DTD1: variants seen among roughly 807,000 people sequenced by gnomAD.
The protein encoded by DTD1 is D-aminoacyl-tRNA deacylase 1.
In DTD1, 13 loss-of-function variants were observed where a neutral mutation model predicts 25.6. The observed-to-expected ratio is 0.51, with a 90% CI of 0.33 to 0.81. DTD1 has a LOEUF of 0.81. Ranked by LOEUF, DTD1 falls within the 30% of genes least tolerant of loss-of-function variation. The pLI, the probability that DTD1 is intolerant of heterozygous loss-of-function variation, is 0.02. For synonymous variants in DTD1, 110 were observed against 103.6 expected (o/e 1.06, Z -0.37); for missense variants, 193 against 266.4 (o/e 0.72, Z 1.92).
intron 4 of DTD1, among the ~76,000 whole-genome samples, chr20:18,743,673 C>CAAAAAAAAAAAA (rs11474877): frequency 2.9e-5 from 3 of 105,106 alleles, no homozygotes; most frequent in Admixed American, 1.1e-4. Context: ...GACCCTGTCT[C>CAAAAAAAAAAAA]AAAAAAAAAA....
chr20:18,742,764 A>G lies in DTD1; in HGVS notation c.478-1336A>G, dbSNP rs1252577663. On this transcript the variant is annotated intron_variant, in intron 4 of 5. Coordinates refer to ENST00000377452, the MANE Select transcript of DTD1 (RefSeq NM_080820.6). ...GATTTCCTGGACCCAATTGAGAGCT[A>G]CTGGTTGGTTGTTCATCTCTCGAAG... Among the ~76,000 whole-genome samples the G allele has an allele frequency of 2.0e-5, 3 of 152,164 alleles. No homozygotes were observed. In the East Asian group the frequency reaches 5.8e-4, roughly 29 times the overall value.
chr20:18,617,480 C>A (rs1366330062), intron 3 of DTD1, among the ~76,000 whole-genome samples: 5 of 151,834 alleles, frequency 3.3e-5, no homozygotes, highest in Non-Finnish European at 7.4e-5. Flanking sequence ...TCTGTACTTA[C>A]ACAGTACCAT....
chr20:18,728,001 G>A (rs1326815027), intron 4 of DTD1, among the ~76,000 whole-genome samples: 7 of 152,224 alleles, frequency 4.6e-5, no homozygotes, highest in Non-Finnish European at 1.0e-4. Context: ...GAGCTTAGGT[G>A]AGAAGGGGCT....
At chr20:18,708,295 A>ATTT (rs1568676985) in intron 4 of DTD1, among the ~76,000 whole-genome samples, 1 of 59,222 alleles carries the variant, frequency 1.7e-5, no homozygotes, top group African/African-American at 6.9e-5. Context: ...TTATATATAT[A>ATTT]TAATATATAT....
intron 1 of DTD1, among the ~76,000 whole-genome samples, chr20:18,590,286 T>TTTAG (rs1446202320): frequency 6.6e-6 from 1 of 152,238 alleles, no homozygotes; most frequent in East Asian, 1.9e-4. Context: ...CAAGTGATCC[T>TTTAG]TTAGTTTCAG....
chr20:18,657,100 T>C (rs551414199), intron 4 of DTD1, among the ~76,000 whole-genome samples: 5 of 152,214 alleles, frequency 3.3e-5, no homozygotes, highest in African/African-American at 4.8e-5. Context: ...CTTTGAATTT[T>C]GTCAAAGGCA....
chr20:18,686,679 G>A (rs996994878), intron 4 of DTD1, among the ~76,000 whole-genome samples: 4 of 146,468 alleles, frequency 2.7e-5, no homozygotes, highest in Non-Finnish European at 6.1e-5. Flanking sequence ...TGTGTGTGGT[G>A]TGTGTGTGCA....
At chr20:18,619,928 G>A (rs1201186034) in intron 3 of DTD1, 1 of 151,966 alleles carries the variant, frequency 6.6e-6, no homozygotes, top group Admixed American at 6.6e-5. Flanking sequence ...GTAAATTCTT[G>A]TATGTATTTA....
chr20:18,614,132 CTCT>C (rs898533904), intron 3 of DTD1, among the ~76,000 whole-genome samples: 3 of 152,060 alleles, frequency 2.0e-5, no homozygotes, highest in African/African-American at 7.2e-5. Flanking sequence ...CTCTCTGAGC[CTCT>C]TCTTCTATTG....
Position 18,661,083 on chromosome 20 carries a change from C to T in DTD1, c.477+32850C>T, listed in dbSNP as rs941365396. On this transcript the variant is annotated intron_variant, in intron 4 of 5. Coordinates refer to ENST00000377452, the MANE Select transcript of DTD1 (RefSeq NM_080820.6). ...GACTTGTGTGGTCTGTTTGTGGGCT[C>T]TGTTTTGTTCATTCATCTTTGTGCC... 2.0e-5 allele frequency among the ~76,000 whole-genome samples: 3 copies of T among 152,260 alleles called. No individual in the cohort carries two copies. The South Asian group carries it at 6.2e-4, about 32-fold the overall frequency.
intron 4 of DTD1, among the ~76,000 whole-genome samples, chr20:18,708,120 G>A (rs2061133637): frequency 7.0e-6 from 1 of 142,916 alleles, no homozygotes; most frequent in East Asian, 2.0e-4. Flanking sequence ...GATCAAAGAT[G>A]TAGTATATAA....
At chr20:18,707,898 A>G (rs4814777) in intron 4 of DTD1, among the ~76,000 whole-genome samples, 125,601 of 151,380 alleles carry the variant, frequency 0.83, 53,220 homozygotes, top group Non-Finnish European at 0.93. Flanking sequence ...TCCCAGGATC[A>G]AGGTTTCCTT....
intron 4 of DTD1, among the ~76,000 whole-genome samples, chr20:18,641,165 A>G (rs1021441269): frequency 1.3e-5 from 2 of 152,304 alleles, no homozygotes; most frequent in East Asian, 1.9e-4. Context: ...CCTTATGTTC[A>G]TAGCATGTGT....
At chr20:18,659,378 C>T (rs1195360443) in intron 4 of DTD1, among the ~76,000 whole-genome samples, 1 of 152,110 alleles carries the variant, frequency 6.6e-6, no homozygotes, top group Non-Finnish European at 1.5e-5. Context: ...CTCTTTCCTC[C>T]CTCCCTTTAT....
intron 3 of DTD1, among the ~76,000 whole-genome samples, chr20:18,611,529 T>G (rs1447540092): frequency 6.6e-6 from 1 of 152,234 alleles, no homozygotes; most frequent in Non-Finnish European, 1.5e-5. Flanking sequence ...TGAAATTTTA[T>G]TTTACATTTA....
intron 4 of DTD1, among the ~76,000 whole-genome samples, chr20:18,731,372 C>T (rs1026586574): frequency 6.6e-5 from 10 of 152,188 alleles, no homozygotes; most frequent in African/African-American, 2.4e-4. Context: ...AGAACTTGAT[C>T]TGTTGTTAAC....
chr20:18,736,202 G>C (rs1443546506), intron 4 of DTD1, among the ~76,000 whole-genome samples: 1 of 152,156 alleles, frequency 6.6e-6, no homozygotes, highest in Non-Finnish European at 1.5e-5. Flanking sequence ...AGATATGGGG[G>C]TGATGGCAAC....
At chr20:18,745,074 G>C (rs887832160) in intron 5 of DTD1, among the ~76,000 whole-genome samples, 7 of 152,168 alleles carry the variant, frequency 4.6e-5, no homozygotes, top group Admixed American at 6.5e-5. Flanking sequence ...CAGATGCAGA[G>C]TCCACTTGCG....
At chr20:18,650,020 C>T (rs775659488) in intron 4 of DTD1, among the ~76,000 whole-genome samples, 21 of 152,116 alleles carry the variant, frequency 1.4e-4, no homozygotes, top group Admixed American at 1.1e-3. Context: ...TGAGACTAGG[C>T]TGGGCAACAC....
Sources: gnomAD v4.1 joint callset for allele counts (sites outside exome capture counted in the v4.1 genomes callset) on GRCh38, gnomAD v4.1.1 for gene constraint, MANE v1.5 for transcripts, NCBI Gene and HGNC (gene_info 2026-07-23, HGNC 2026-07-21) for gene names.